Variants in TTC19 observed in about 807,000 individuals in gnomAD.
The protein encoded by TTC19 is tetratricopeptide repeat domain 19, also known as tetratricopeptide repeat protein 19, mitochondrial.
Under a neutral mutation model 49.5 loss-of-function variants are expected in TTC19, and 38 were observed. The ratio of observed to expected loss-of-function variants is 0.77; its 90% CI spans 0.59 to 1.01. The LOEUF (loss-of-function observed/expected upper bound fraction) is 1.01, where lower values mean the gene tolerates loss of function less well. Among genes scored for constraint, TTC19 ranks in the 50% least tolerant of loss-of-function variants. The pLI is 0.00. For missense variants in TTC19, 475 were observed against 477.7 expected, an observed-to-expected ratio of 0.99 and a Z score of 0.05; for synonymous variants, 204 against 185.2, an observed-to-expected ratio of 1.10 and a Z score of -0.83.
intron 2 of TTC19, among the ~76,000 whole-genome samples, chr17:16,038,769 GTC>G (rs956279025): frequency 2.0e-5 from 3 of 150,914 alleles, no homozygotes; most frequent in Admixed American, 1.3e-4. Flanking sequence ...TATTGTGTGT[GTC>G]TGTGTATGTA....
chr17:16,015,439 T>C (rs1971186491), intron 7 of TTC19, among the ~76,000 whole-genome samples: 1 of 152,204 alleles, frequency 6.6e-6, no homozygotes, highest in Admixed American at 6.5e-5. Flanking sequence ...AAGCATATTT[T>C]ACACTACTCT....
intron 8 of TTC19, among the ~76,000 whole-genome samples, chr17:16,025,520 G>A (rs1383750435): frequency 6.6e-6 from 1 of 152,132 alleles, no homozygotes; most frequent in East Asian, 1.9e-4. Flanking sequence ...TATGAGGAAC[G>A]GTTTAATACA....
At position 16,027,892 on chromosome 17, in the gene TTC19, T is replaced by C. The variant is rs909002942; in HGVS notation, c.*370T>C. On this transcript the variant is annotated 3_prime_UTR_variant, in exon 10 of 10. Transcript: ENST00000261647. ...CTACCATAAGTTTTTGGTCTGCTGA[T>C]TTGCTGCCCTGTCTTCTCTTACTTT... 12 of 461,870 alleles carry C rather than the reference T, an allele frequency of 2.6e-5. No individual in the cohort carries two copies. The highest frequency in any genetic ancestry group is 4.3e-5 in the Non-Finnish European group (10 of 231,708). The allele number at this position is 461,870 out of a possible 1,614,324, so 28.6% of individuals were successfully genotyped here.
At chr17:16,034,684 T>TG (rs1259249203) in intron 2 of TTC19, 1 of 1,243,208 alleles carries the variant, frequency 8.0e-7, no homozygotes, top group Non-Finnish European at 1.1e-6. Flanking sequence ...TTAGAAGAGT[T>TG]GCTGAATTTT....
At chr17:16,033,040 A>G (rs1402572306), downstream of TTC19, among the ~76,000 whole-genome samples, 1 of 152,194 alleles carries the variant, frequency 6.6e-6, no homozygotes, top group Admixed American at 6.5e-5. Context: ...AAAGCCTCCT[A>G]CAGCTTAAGA....
intron 7 of TTC19, among the ~76,000 whole-genome samples, chr17:16,013,503 T>C (rs1219347774): frequency 6.6e-6 from 1 of 152,212 alleles, no homozygotes; most frequent in Non-Finnish European, 1.5e-5. Context: ...TTTTTTCCTT[T>C]TATTTCTAAA....
At chr17:16,023,825 GAA>G (rs1281053994) in intron 7 of TTC19, 1 of 152,106 alleles carries the variant, frequency 6.6e-6, no homozygotes, top group African/African-American at 2.4e-5. Flanking sequence ...TATTAAAAAA[GAA>G]AAGTCTCATT....
chr17:16,000,324 T>TC (rs1970682681), intron 2 of TTC19, 79 bp downstream of exon 2: 2 of 1,561,032 alleles, frequency 1.3e-6, no homozygotes, highest in Non-Finnish European at 1.7e-6. Flanking sequence ...TGCGCATTAC[T>TC]CTCTCCGCCT....
Position 16,008,051 on chromosome 17 carries a change from C to T in TTC19, c.676+1483C>T, listed in dbSNP as rs111845663. On this transcript the variant is annotated intron_variant, in intron 7 of 9. Coordinates refer to ENST00000261647, the MANE Select transcript of TTC19 (RefSeq NM_017775.4). ...TTGGCTTCTGGGATGCCTCACTGGT[C>T]TCTCTAGTGAGGTGAATAGACTTCC... Among the ~76,000 whole-genome samples, 23 of 152,344 alleles carry T rather than the reference C, an allele frequency of 1.5e-4. 1 individual carries two copies. Among genetic ancestry groups the T allele is most frequent in the African/African-American group, 5.5e-4 (23 of 41,586 alleles).
Position 16,044,185 on chromosome 17 carries a change from A to G in TTC19, c.248-318A>G, listed in dbSNP as rs542722699. On this transcript the variant is annotated intron_variant, in intron 2 of 2. Coordinates refer to the TTC19 transcript ENST00000470649. Reference sequence around the variant, plus strand: ...CTCCATCTCAAAAAAAAAAAAAAAAAAAAGAAAGAAAGAAAGGCTATCTGT... The same window carrying G: ...CTCCATCTCAAAAAAAAAAAAAAAAGAAAGAAAGAAAGAAAGGCTATCTGT... Among the ~76,000 whole-genome samples the G allele has an allele frequency of 6.7e-3, 1,012 of 151,418 alleles. 3 individuals are homozygous for G. The highest frequency in any genetic ancestry group is 0.015 in the African/African-American group (625 of 41,220).
intron 7 of TTC19, among the ~76,000 whole-genome samples, chr17:16,020,641 TATTTA>T (rs1971349335): frequency 6.6e-6 from 1 of 152,284 alleles, no homozygotes; most frequent in African/African-American, 2.4e-5. Context: ...AATTTTTCCC[TATTTA>T]ATTCAGTACT....
intron 2 of TTC19, among the ~76,000 whole-genome samples, chr17:16,041,874 C>T (rs1465489764): frequency 2.0e-5 from 3 of 151,694 alleles, no homozygotes; most frequent in Admixed American, 6.6e-5. Flanking sequence ...GTGGCTGGGA[C>T]TACAGGCGCC....
intron 2 of TTC19, chr17:16,040,646 G>A (rs915977101): frequency 2.6e-6 from 2 of 760,366 alleles, no homozygotes; most frequent in African/African-American, 1.8e-5. Context: ...TAAAATGGAA[G>A]TATTTTTTTT....
chr17:16,042,283 A>AGT (rs1297940466), intron 2 of TTC19, among the ~76,000 whole-genome samples: 11 of 139,486 alleles, frequency 7.9e-5, no homozygotes, highest in African/African-American at 3.1e-4. Flanking sequence ...GTTATCATGA[A>AGT]GTGTGTGGAA....
At chr17:16,002,938 TATAGTGA>T (rs1597449995) in intron 4 of TTC19, 107 bp downstream of exon 4, 1 of 1,027,854 alleles carries the variant, frequency 9.7e-7, no homozygotes, top group East Asian at 2.4e-5. Flanking sequence ...GACCCTAGAA[TATAGTGA>T]CTCAAACAAG....
chr17:16,001,162 A>G (rs1342866846), intron 2 of TTC19, among the ~76,000 whole-genome samples: 1 of 152,160 alleles, frequency 6.6e-6, no homozygotes, highest in African/African-American at 2.4e-5. Context: ...AAAAAAGAGT[A>G]AATTGGATTA....
At chr17:16,027,202 C>A in intron 9 of TTC19, 172 bp from the exon 10 acceptor site, 2 of 729,892 alleles carry the variant, frequency 2.7e-6, no homozygotes, top group Non-Finnish European at 4.6e-6. Flanking sequence ...AATCCCACAG[C>A]ATTCAGTGGA....
intron 7 of TTC19, among the ~76,000 whole-genome samples, chr17:16,008,112 T>A (rs922291686): frequency 1.3e-5 from 2 of 152,216 alleles, no homozygotes; most frequent in Admixed American, 1.3e-4. Flanking sequence ...AGGGCTGTTT[T>A]CAGCCCTATT....
chr17:16,044,604 C>T, exon 3 of TTC19: 1 of 583,738 alleles, frequency 1.7e-6, no homozygotes, highest in Non-Finnish European at 3.4e-6. Flanking sequence ...AGCGCCAGCC[C>T]CACACTTGCC....
Sources: gnomAD v4.1 joint callset for allele counts (sites outside exome capture counted in the v4.1 genomes callset) on GRCh38, gnomAD v4.1.1 for gene constraint, MANE v1.5 for transcripts, NCBI Gene and HGNC (gene_info 2026-07-23, HGNC 2026-07-21) for gene names.